TXNL4A: variants seen among roughly 807,000 people sequenced by gnomAD.
TXNL4A encodes thioredoxin like 4A.
TXNL4A carries 17 observed loss-of-function variants against 14.6 expected under a neutral mutation model. That is an observed-to-expected ratio of 1.16 (90% CI 0.80 to 1.74). The LOEUF is 1.74. Among genes scored for constraint, TXNL4A ranks in the 40% most tolerant of loss-of-function variants. TXNL4A has a pLI of 0.00. For missense variants in TXNL4A, 74 were observed against 195.2 expected (o/e 0.38, Z 3.70); for synonymous variants, 83 against 70.6 (o/e 1.18, Z -0.88).
chr18:80,015,739 A>G (rs1235206358), intron 1 of TXNL4A, among the ~76,000 whole-genome samples: 5 of 149,820 alleles, frequency 3.3e-5, no homozygotes, highest in African/African-American at 1.2e-4. Context: ...TATGTGCCAC[A>G]TTTTCTTAAT....
chr18:80,017,846 C>T (rs1172106807), intron 1 of TXNL4A, among the ~76,000 whole-genome samples: 1 of 151,814 alleles, frequency 6.6e-6, no homozygotes, highest in African/African-American at 2.4e-5. Flanking sequence ...TGTCTCTGCC[C>T]AGCTTTGGTA....
intron 1 of TXNL4A, among the ~76,000 whole-genome samples, chr18:80,004,473 G>A (rs1231253971): frequency 6.6e-6 from 1 of 152,220 alleles, no homozygotes; most frequent in Non-Finnish European, 1.5e-5. Context: ...CCCTGTCTGA[G>A]CCTGGGTGGA....
At chr18:80,006,252 C>T (rs2051730017) in intron 1 of TXNL4A, among the ~76,000 whole-genome samples, 1 of 151,792 alleles carries the variant, frequency 6.6e-6, no homozygotes, top group Non-Finnish European at 1.5e-5. Flanking sequence ...GGTGTGGTGG[C>T]ATGCGCCTGT....
At chr18:79,985,561 T>C (rs1039534915) in intron 1 of TXNL4A, among the ~76,000 whole-genome samples, 1 of 152,230 alleles carries the variant, frequency 6.6e-6, no homozygotes, top group African/African-American at 2.4e-5. Flanking sequence ...ATGAAAACTT[T>C]ATTTATTATT....
At chr18:80,033,410 G>T (rs916211958) in intron 1 of TXNL4A, among the ~76,000 whole-genome samples, 1 of 152,168 alleles carries the variant, frequency 6.6e-6, no homozygotes, top group Non-Finnish European at 1.5e-5. Context: ...CGCCCGGGGG[G>T]AGCAGCTTCC....
chr18:79,991,475 A>C (rs770186570), upstream of TXNL4A, among the ~76,000 whole-genome samples: 1 of 152,188 alleles, frequency 6.6e-6, no homozygotes, highest in Non-Finnish European at 1.5e-5. Flanking sequence ...TTGCTGATGA[A>C]TATTTCATTA....
chr18:80,031,511 G>C (rs536846532), intron 1 of TXNL4A, among the ~76,000 whole-genome samples: 9 of 152,304 alleles, frequency 5.9e-5, no homozygotes, highest in Non-Finnish European at 1.3e-4. Flanking sequence ...AATCTCGTTG[G>C]ACACGTTCAG....
intron 1 of TXNL4A, among the ~76,000 whole-genome samples, chr18:80,020,790 A>T (rs1278135513): frequency 1.3e-5 from 2 of 152,158 alleles, no homozygotes; most frequent in African/African-American, 4.8e-5. Flanking sequence ...ATTTACAAAA[A>T]CCTGTAATGC....
At chr18:80,026,507 T>C (rs2051885488) in intron 1 of TXNL4A, among the ~76,000 whole-genome samples, 1 of 152,070 alleles carries the variant, frequency 6.6e-6, no homozygotes, top group Non-Finnish European at 1.5e-5. Flanking sequence ...TGAGGGAGAT[T>C]AATATAATAA....
In TXNL4A at chr18:79,999,493, G is replaced by A. The variant is rs1051546633; in HGVS notation, c.-60-21792C>T. On this transcript the variant is annotated intron_variant, in intron 1 of 2. Coordinates refer to the TXNL4A transcript ENST00000585474. ...GGAGGTTACAGTGAGCCAAGACTGC[G>A]CCACTGCACTTCAGCCTGAGTGACA... 6.6e-5 allele frequency among the ~76,000 whole-genome samples: 9 copies of A among 136,674 alleles called. No homozygotes were observed. The South Asian group carries it at 9.2e-4, about 14-fold the overall frequency. The allele number at this position is 136,674 out of a possible 152,430, so 89.7% of individuals were successfully genotyped here.
chr18:80,003,902 A>G (rs1469612933), intron 1 of TXNL4A, among the ~76,000 whole-genome samples: 1 of 152,068 alleles, frequency 6.6e-6, no homozygotes, highest in Non-Finnish European at 1.5e-5. Flanking sequence ...CGTGAGACTC[A>G]CTCACTATCA....
chr18:80,004,033 A>G (rs1205729034), intron 1 of TXNL4A, among the ~76,000 whole-genome samples: 1 of 152,010 alleles, frequency 6.6e-6, no homozygotes, highest in Admixed American at 6.5e-5. Context: ...ACCATGTCAG[A>G]TAGGTCACTG....
chr18:80,003,156 G>A (rs1181864183), intron 1 of TXNL4A, among the ~76,000 whole-genome samples: 1 of 152,248 alleles, frequency 6.6e-6, no homozygotes, highest in East Asian at 1.9e-4. Flanking sequence ...ATCATCATAT[G>A]TCATCCTCTG....
chr18:79,994,215 G>A (rs934251618), intron 1 of TXNL4A, among the ~76,000 whole-genome samples: 2 of 152,122 alleles, frequency 1.3e-5, no homozygotes, highest in Admixed American at 1.3e-4. Context: ...AAGTTACAAT[G>A]GCCTAAATGG....
intron 1 of TXNL4A, among the ~76,000 whole-genome samples, chr18:80,000,564 T>C (rs1413064776): frequency 1.3e-5 from 2 of 152,200 alleles, no homozygotes; most frequent in East Asian, 3.8e-4. Flanking sequence ...AGTCTGACGA[T>C]GAGATAGAAA....
In TXNL4A at chr18:80,000,195, C is replaced by CTCCTG. The variant is rs542589347; in HGVS notation, c.-60-22495_-60-22494insCAGGA. On this transcript the variant is annotated intron_variant, in intron 1 of 2. Transcript: ENST00000585474. ...GTAGAGGTCGGAACAGTTTGGAGGG[C>CTCCTG]TCAGAAGAAGACAGGAACATGTGGG... 6.6e-5 allele frequency among the ~76,000 whole-genome samples: 10 copies of CTCCTG among 152,232 alleles called. No homozygotes were observed. The South Asian group carries it at 1.9e-3, about 28-fold the overall frequency.
Position 80,015,050 on chromosome 18 carries a change from C to A in TXNL4A, c.-61+18801G>T, listed in dbSNP as rs368866264. Among the ~76,000 whole-genome samples, 88 of 152,316 alleles carry A rather than the reference C, an allele frequency of 5.8e-4. 2 individuals are homozygous for A. The South Asian group carries it at 0.017, about 30-fold the overall frequency. The stretch of plus-strand genomic sequence containing the variant: ...GTGGCTGGGACACAGGGCACCAAGT[C>A]CCTAGGCCGCACACAGCAAGGGGAC... On this transcript the variant is annotated intron_variant, in intron 1 of 2. Transcript: ENST00000585474.
At chr18:79,988,215 A>C (rs755583860) in intron 1 of TXNL4A, 25 bp downstream of exon 1, 24 of 1,489,128 alleles carry the variant, frequency 1.6e-5, no homozygotes, top group Non-Finnish European at 2.1e-5. Context: ...CACAGCCCGC[A>C]GAGCGGGAGA....
chr18:79,993,320 TAA>T (rs55838272), upstream of TXNL4A, among the ~76,000 whole-genome samples: 67 of 149,456 alleles, frequency 4.5e-4, no homozygotes, highest in East Asian at 3.5e-3. The surrounding 1 kb of genome is among the most constrained non-coding windows in gnomAD (Gnocchi z 4.4). Context: ...ATTTGCTGTT[TAA>T]AAAAAAAAAA....
Sources: allele counts gnomAD v4.1 joint callset (sites outside exome capture counted in the v4.1 genomes callset), GRCh38; gene constraint gnomAD v4.1.1; non-coding constraint Gnocchi (gnomAD v3.1); transcripts MANE v1.5; gene names NCBI Gene and HGNC (gene_info 2026-07-23, HGNC 2026-07-21).